Variants in SMARCB1 observed in about 807,000 individuals in gnomAD.
The protein encoded by SMARCB1 is SWI/SNF related BAF chromatin remodeling complex subunit B1, also known as SWI/SNF-related matrix-associated actin-dependent regulator of chromatin subfamily B member 1.
Under a neutral mutation model 49.0 loss-of-function variants are expected in SMARCB1, and 5 were observed. The ratio of observed to expected loss-of-function variants is 0.10; its 90% confidence interval spans 0.05 to 0.21. The LOEUF (loss-of-function observed/expected upper bound fraction) is 0.21. Ranked by LOEUF, SMARCB1 falls within the 10% of genes least tolerant of loss-of-function variation. SMARCB1 has a pLI of 1.00. For synonymous variants in SMARCB1, 201 were observed against 200.1 expected (o/e 1.00, Z -0.04); for missense variants, 226 against 509.2 (o/e 0.44, Z 5.35).
At chr22:23,796,036 T>C (rs1424633027) in intron 3 of SMARCB1, among the ~76,000 whole-genome samples, 1 of 151,928 alleles carries the variant, frequency 6.6e-6, no homozygotes, top group Non-Finnish European at 1.5e-5. Flanking sequence ...CAGGTAATCC[T>C]CCCGCCTCGG....
chr22:23,821,411 ATTTC>A (rs151158403), intron 6 of SMARCB1, among the ~76,000 whole-genome samples: 1 of 152,040 alleles, frequency 6.6e-6, no homozygotes, highest in South Asian at 2.1e-4. Context: ...AGAGCTGGGT[ATTTC>A]TTTCTTCCTT....
At position 23,796,044 on chromosome 22, in the gene SMARCB1, C is replaced by T. The variant is rs34658603; in HGVS notation, c.362+2356C>T. The stretch of plus-strand genomic sequence containing the variant: ...CTGACCTCAGGTAATCCTCCCGCCT[C>T]GGCCTCCCAAAGTGGTGGGATTACA... On this transcript the variant is annotated intron_variant, in intron 3 of 8. Transcript: ENST00000644036. Among the ~76,000 whole-genome samples the T allele has an allele frequency of 1.7e-3, 261 of 152,226 alleles. 8 individuals carry two copies. In the East Asian group the frequency reaches 0.042, roughly 24 times the overall value.
intron 5 of SMARCB1, among the ~76,000 whole-genome samples, chr22:23,805,801 G>A (rs779945530): frequency 6.6e-6 from 1 of 152,198 alleles, no homozygotes; most frequent in Non-Finnish European, 1.5e-5. Context: ...CACCGCGCCC[G>A]GCTGCTGTTT....
intron 7 of SMARCB1, among the ~76,000 whole-genome samples, chr22:23,828,441 C>T (rs557032961): frequency 6.6e-6 from 1 of 151,974 alleles, no homozygotes; most frequent in Admixed American, 6.5e-5. Context: ...GGCGGATCAC[C>T]TGAGGTCAGG....
chr22:23,837,258 C>T lies in SMARCB1; in HGVS notation c.*3078C>T. The T allele has an allele frequency of 1.4e-6, 2 of 1,418,982 alleles. No homozygotes were observed. The highest frequency in any genetic ancestry group is 1.4e-5 in the African/African-American group (1 of 69,506). The allele number at this position is 1,418,982 out of a possible 1,614,324, so 87.9% of individuals were successfully genotyped here. A position where few individuals can be genotyped will look rare whatever the true frequency, so the allele number is the denominator to read the frequency against. On this transcript the variant is annotated 3_prime_UTR_variant, in exon 9 of 9. Transcript: ENST00000644036. ...ATCCACAGCCTGGTGGCCCTGCAGG[C>T]CCCACAGCATGAGTGCCCCAAAGCC...
At chr22:23,806,759 T>A (rs929084713) in intron 5 of SMARCB1, among the ~76,000 whole-genome samples, 5 of 151,728 alleles carry the variant, frequency 3.3e-5, no homozygotes, top group African/African-American at 1.2e-4. Flanking sequence ...CCCTCTCTAC[T>A]AAAAATATAA....
intron 7 of SMARCB1, among the ~76,000 whole-genome samples, chr22:23,832,391 C>T (rs1184467259): frequency 6.6e-6 from 1 of 152,192 alleles, no homozygotes; most frequent in Non-Finnish European, 1.5e-5. Flanking sequence ...GTCCACCTGG[C>T]GCCTCCCCCG....
Position 23,807,803 on chromosome 22 carries a change from T to TC in SMARCB1, c.628+4381_628+4382insC, listed in dbSNP as rs1929590731. 2.0e-5 allele frequency among the ~76,000 whole-genome samples: 3 copies of TC among 149,532 alleles called. No homozygotes were observed. In the South Asian group the frequency reaches 6.3e-4, roughly 31 times the overall value. On this transcript the variant is annotated intron_variant, in intron 5 of 8. Transcript: ENST00000644036. ...TGGTAGATTTCTTTTTTTTTCTTTT[T>TC]TTTTTTTTTGAGATGGAGTCTTGCT...
intron 7 of SMARCB1, among the ~76,000 whole-genome samples, chr22:23,830,801 A>G (rs1279094315): frequency 6.6e-6 from 1 of 151,744 alleles, no homozygotes; most frequent in Non-Finnish European, 1.5e-5. Flanking sequence ...AGCTGGGACT[A>G]CAGGCACCTG....
chr22:23,811,375 A>G (rs548103312), intron 5 of SMARCB1, among the ~76,000 whole-genome samples: 1 of 152,360 alleles, frequency 6.6e-6, no homozygotes, highest in African/African-American at 2.4e-5. Flanking sequence ...GTAAGATCAA[A>G]AACACTATCG....
intron 5 of SMARCB1, among the ~76,000 whole-genome samples, chr22:23,808,170 G>C (rs1295806675): frequency 6.7e-6 from 1 of 148,970 alleles, no homozygotes; most frequent in Non-Finnish European, 1.5e-5. Flanking sequence ...GCCCACTCTG[G>C]AGTGCAGTGG....
At chr22:23,821,419 C>T (rs2030080844) in intron 6 of SMARCB1, among the ~76,000 whole-genome samples, 2 of 152,216 alleles carry the variant, frequency 1.3e-5, no homozygotes, top group South Asian at 2.1e-4. Context: ...GTATTTCTTT[C>T]TTCCTTCCTT....
chr22:23,830,919 A>G (rs2030623405), intron 7 of SMARCB1, among the ~76,000 whole-genome samples: 1 of 152,112 alleles, frequency 6.6e-6, no homozygotes, highest in South Asian at 2.1e-4. Flanking sequence ...TCGGCCTCCC[A>G]AAGTGCTGGG....
chr22:23,793,537 C>T (rs1351373986), intron 2 of SMARCB1, 22 bp from the exon 3 acceptor site: 4 of 1,613,804 alleles, frequency 2.5e-6, no homozygotes, highest in Admixed American at 3.3e-5. Context: ...CAGAGTGACC[C>T]AGTGATGTTT....
rs1325971819 is a variant in SMARCB1 at position 23,835,659 on chromosome 22, G to C, written c.*1479G>C. On this transcript the variant is annotated 3_prime_UTR_variant, in exon 9 of 9. Transcript: ENST00000644036. ...TTACTGGAAGGCCTTGAACAAAGGG[G>C]AAGATTCCCAGCCCAGCTGCTCTTA... The C allele has an allele frequency of 6.1e-6, 6 of 985,426 alleles. No individual in the cohort carries two copies. In the South Asian group the frequency reaches 1.4e-4, roughly 23 times the overall value. The allele number at this position is 985,426 out of a possible 1,614,324, so 61.0% of individuals were successfully genotyped here. A position where few individuals can be genotyped will look rare whatever the true frequency, so the allele number is the denominator to read the frequency against.
In SMARCB1 at chr22:23,836,623, CT is replaced by C; in HGVS notation, c.*2444del. ...GTTTCTTTGCCCTCTGTGGGCACCC[CT>C]ATCCTACCACCTGCAGTTGGGCTGA... On this transcript the variant is annotated 3_prime_UTR_variant, in exon 9 of 9. Coordinates refer to ENST00000644036, the MANE Select transcript of SMARCB1 (RefSeq NM_003073.5). The C allele has an allele frequency of 4.9e-6, 6 of 1,229,872 alleles. No homozygotes were observed. Among genetic ancestry groups the C allele is most frequent in the Non-Finnish European group, 5.1e-6 (5 of 988,894 alleles). The allele number at this position is 1,229,872 out of a possible 1,614,324, so 76.2% of individuals were successfully genotyped here.
At chr22:23,821,535 A>G (rs568544479) in intron 6 of SMARCB1, among the ~76,000 whole-genome samples, 35 of 151,826 alleles carry the variant, frequency 2.3e-4, no homozygotes, top group African/African-American at 8.5e-4. Flanking sequence ...ATGCCTGGCT[A>G]ATTTTTAAAT....
In SMARCB1 at chr22:23,837,591, G is replaced by A. The variant is rs539691241; in HGVS notation, c.*3411G>A. On this transcript the variant is annotated 3_prime_UTR_variant, in exon 9 of 9. Transcript: ENST00000644036. ...CAGCAAGGATGGGAGAGGGGCCCCA[G>A]GGCATAAGCAGCGTGTCCTGAGGGG... The A allele has an allele frequency of 3.9e-6, 6 of 1,524,710 alleles. No individual in the cohort carries two copies. The East Asian group carries it at 1.4e-4, about 35-fold the overall frequency. 94.4% of individuals were successfully genotyped at this position (1,524,710 alleles called of 1,614,324 possible).
In SMARCB1 at chr22:23,818,140, GT is replaced by G. The variant is rs1568953145; in HGVS notation, c.795+1205del. On this transcript the variant is annotated intron_variant, in intron 6 of 8. Coordinates refer to ENST00000644036, the MANE Select transcript of SMARCB1 (RefSeq NM_003073.5). ...CGCACCTGGCCGAAATACTTTGGGT[GT>G]GTGTGTGTGTGTGTGTGTGTGTGTG... 4.5e-3 allele frequency: 225 copies of G among 50,496 alleles called. 5 individuals are homozygous for G. In the East Asian group the frequency reaches 0.13, roughly 29 times the overall value. 3.1% of individuals were successfully genotyped at this position (50,496 alleles called of 1,614,324 possible).
Sources: allele counts gnomAD v4.1 joint callset (sites outside exome capture counted in the v4.1 genomes callset), GRCh38; gene constraint gnomAD v4.1.1; transcripts MANE v1.5; gene names NCBI Gene and HGNC (gene_info 2026-07-23, HGNC 2026-07-21).